The following CACNA2D2 variants were observed in gnomAD, a reference collection of about 807,000 sequenced individuals.
CACNA2D2 encodes the protein voltage-dependent calcium channel subunit alpha-2/delta-2.
CACNA2D2 carries 48 observed loss-of-function variants against 166.4 expected under a neutral mutation model. The ratio of observed to expected loss-of-function variants is 0.29; its 90% CI spans 0.23 to 0.37. CACNA2D2 has a LOEUF of 0.37. CACNA2D2 is among the 10% of genes least tolerant of loss of function. CACNA2D2 has a pLI of 1.00. For missense variants in CACNA2D2, 1,122 were observed against 1,433.0 expected, an observed-to-expected ratio of 0.78 and a Z score of 3.50; for synonymous variants, 561 against 573.7, an observed-to-expected ratio of 0.98 and a Z score of 0.32.
intron 6 of CACNA2D2, among the ~76,000 whole-genome samples, chr3:50,383,106 TGG>T (rs1705413796): frequency 6.6e-6 from 1 of 152,192 alleles, no homozygotes; most frequent in Admixed American, 6.5e-5. Flanking sequence ...GCAATTTATG[TGG>T]GTAGCGAGGG....
intron 2 of CACNA2D2, among the ~76,000 whole-genome samples, chr3:50,447,368 T>A (rs940882466): frequency 2.0e-5 from 3 of 152,150 alleles, no homozygotes; most frequent in African/African-American, 7.2e-5. Context: ...TTCCACATCG[T>A]CTGTCGGCAA....
At chr3:50,493,520 C>T (rs1189474688) in intron 1 of CACNA2D2, among the ~76,000 whole-genome samples, 1 of 152,214 alleles carries the variant, frequency 6.6e-6, no homozygotes, top group Non-Finnish European at 1.5e-5. Flanking sequence ...GACAGTTACA[C>T]CAAAAGCGAG....
rs1705232895 is a variant in CACNA2D2, at chr3:50,380,267, C to A, written c.843-249G>T. 6.6e-6 allele frequency among the ~76,000 whole-genome samples: 1 copy of A among 152,212 alleles called. No homozygotes were observed. Among genetic ancestry groups the A allele is most frequent in the African/African-American group, 2.4e-5 (1 of 41,446 alleles). ...ATGAGCAGGTGATCCCCAGAGGGGG[C>A]AGGAGCCACATTCCCTGGCTTCAGT... On this transcript the variant is annotated intron_variant, in intron 8 of 37. Transcript: ENST00000424201. This position sits in a 1 kb window ranked among gnomAD's most constrained non-coding sequence, Gnocchi z 4.9.
At chr3:50,377,028 T>C (rs993960297) in intron 17 of CACNA2D2, among the ~76,000 whole-genome samples, 1 of 152,248 alleles carries the variant, frequency 6.6e-6, no homozygotes, top group Non-Finnish European at 1.5e-5. Flanking sequence ...CCCATTACTA[T>C]GTGGCCATGA....
intron 2 of CACNA2D2, among the ~76,000 whole-genome samples, chr3:50,473,506 G>T (rs542756511): frequency 6.6e-6 from 1 of 152,358 alleles, no homozygotes; most frequent in African/African-American, 2.4e-5. Context: ...CTGAGGAGGG[G>T]CAGCCCCACT....
chr3:50,376,288 T>C lies in CACNA2D2; in HGVS notation c.1627-100A>G, dbSNP rs1311950386. The C allele has an allele frequency of 7.9e-7, 1 of 1,264,576 alleles. No homozygotes were observed. The highest frequency in any genetic ancestry group is 1.1e-6 in the Non-Finnish European group (1 of 898,378). 78.3% of individuals were successfully genotyped at this position (1,264,576 alleles called of 1,614,324 possible). On this transcript the variant is annotated intron_variant, in intron 17 of 37. Coordinates refer to ENST00000424201, the MANE Select transcript of CACNA2D2 (RefSeq NM_006030.4). This position sits in a 1 kb window ranked among gnomAD's most constrained non-coding sequence, Gnocchi z 4.3. ...TTTGGCCTCCCACCGCACCGAGAGATTCTGTTTGCCTGCCTTGGGCTAAGG... is the reference window on the plus strand; with the variant it reads ...TTTGGCCTCCCACCGCACCGAGAGACTCTGTTTGCCTGCCTTGGGCTAAGG...
intron 4 of CACNA2D2, among the ~76,000 whole-genome samples, chr3:50,388,851 T>A (rs952094394): frequency 6.6e-6 from 1 of 152,190 alleles, no homozygotes; most frequent in African/African-American, 2.4e-5. Flanking sequence ...ACTGGCCAAA[T>A]GTGCAGGCTT....
Position 50,365,110 on chromosome 3 carries a change from C to T in CACNA2D2, c.3173G>A (p.Cys1058Tyr). Residue 1058 changes from cysteine (C) to tyrosine (Y), a missense_variant, in exon 36 of 38, where the codon TGC (cysteine) becomes TAC (tyrosine). Transcript: ENST00000424201. The surrounding 1 kb of genome is among the most constrained non-coding windows in gnomAD (Gnocchi z 4.5). ...VVAEKPLCSQ[C>Y]EAGRLLQKET... is the part of the protein sequence containing the mutation. ...CTTCTGCAGCAGCCGGCCAGCCTCG[C>T]ACTGGCTGCACAGCGGCTTCTCGGC... 6.2e-7 allele frequency: 1 copy of T among 1,612,068 alleles called. No individual in the cohort carries two copies.
chr3:50,459,760 C>T (rs1477377311), intron 2 of CACNA2D2, among the ~76,000 whole-genome samples: 1 of 152,252 alleles, frequency 6.6e-6, no homozygotes, highest in Non-Finnish European at 1.5e-5. Context: ...CCCTCTGACC[C>T]CAGGTGACTG....
intron 4 of CACNA2D2, 146 bp from the exon 5 acceptor site, chr3:50,387,758 G>A: frequency 1.5e-6 from 1 of 655,010 alleles, no homozygotes. Flanking sequence ...CCTCCTGGAA[G>A]GGCCGGATAG....
intron 1 of CACNA2D2, among the ~76,000 whole-genome samples, chr3:50,494,078 C>T (rs1698628206): frequency 6.6e-6 from 1 of 152,190 alleles, no homozygotes; most frequent in Non-Finnish European, 1.5e-5. Flanking sequence ...AAGGGAGACA[C>T]TCCAGCAAGC....
intron 3 of CACNA2D2, among the ~76,000 whole-genome samples, chr3:50,425,301 G>A (rs1455906923): frequency 2.0e-5 from 3 of 152,180 alleles, no homozygotes; most frequent in Non-Finnish European, 2.9e-5. Context: ...CTAAGCCAGT[G>A]CCCAGGCTGG....
intron 1 of CACNA2D2, among the ~76,000 whole-genome samples, chr3:50,476,934 T>C (rs1287226110): frequency 3.3e-5 from 5 of 149,268 alleles, no homozygotes; most frequent in Non-Finnish European, 7.5e-5. Context: ...TTTTTCTTTT[T>C]TTTTTTTTTT....
At chr3:50,462,159 G>A (rs1709616034) in intron 2 of CACNA2D2, among the ~76,000 whole-genome samples, 2 of 152,058 alleles carry the variant, frequency 1.3e-5, no homozygotes, top group Admixed American at 1.3e-4. Flanking sequence ...CGAGGCAGGG[G>A]AAGTGGATCA....
chr3:50,503,581 G>C lies in CACNA2D2; in HGVS notation c.-158C>G, dbSNP rs1476062617. 1 of 166,804 alleles carries C rather than the reference G, an allele frequency of 6.0e-6. No individual in the cohort carries two copies. Among genetic ancestry groups the C allele is most frequent in the Non-Finnish European group, 1.3e-5 (1 of 78,300 alleles). 10.3% of individuals were successfully genotyped at this position (166,804 alleles called of 1,614,324 possible). A position where few individuals can be genotyped will look rare whatever the true frequency, so the allele number is the denominator to read the frequency against. On this transcript the variant is annotated 5_prime_UTR_variant, in exon 1 of 38. Transcript: ENST00000424201. ...CCTCCGGGGCTGCACGGGCCGCAGC[G>C]CCTCTGCGGGCTGCGCGCTGCTATC...
At chr3:50,432,841 C>A (rs1708135804) in intron 3 of CACNA2D2, among the ~76,000 whole-genome samples, 1 of 152,220 alleles carries the variant, frequency 6.6e-6, no homozygotes, top group South Asian at 2.1e-4. Context: ...CCATGGGGGA[C>A]AGCAGGGCCC....
Position 50,378,190 on chromosome 3 carries a change from GT to G in CACNA2D2, c.1389+93del, listed in dbSNP as rs973559005. On this transcript the variant is annotated intron_variant, in intron 14 of 37. Transcript: ENST00000424201. The stretch of plus-strand genomic sequence containing the variant: ...GCATTGGGATTGTGCCCCAGCCACT[GT>G]GAGGGGGCGCCCTTGGCCCACAGCA... The G allele has an allele frequency of 1.4e-5, 22 of 1,566,378 alleles. No individual in the cohort carries two copies. In the African/African-American group the frequency reaches 2.8e-4, roughly 20 times the overall value.
chr3:50,467,766 C>CCT (rs1709882757), intron 2 of CACNA2D2, among the ~76,000 whole-genome samples: 1 of 152,186 alleles, frequency 6.6e-6, no homozygotes, highest in Admixed American at 6.5e-5. Context: ...AGCAGGCCAG[C>CCT]CTCTGTTCAG....
At chr3:50,469,017 C>T (rs1709954038) in intron 2 of CACNA2D2, among the ~76,000 whole-genome samples, 3 of 151,886 alleles carry the variant, frequency 2.0e-5, no homozygotes, top group Non-Finnish European at 4.4e-5. Context: ...TTAGTATAGA[C>T]AGGGTTTTGC....
Sources: gnomAD v4.1 joint callset for allele counts (sites outside exome capture counted in the v4.1 genomes callset) on GRCh38, gnomAD v4.1.1 for gene constraint, Gnocchi (gnomAD v3.1) non-coding constraint, MANE v1.5 for transcripts, NCBI Gene and HGNC (gene_info 2026-07-23, HGNC 2026-07-21) for gene names.